VWA8: variants seen among roughly 807,000 people sequenced by gnomAD.
VWA8 encodes von Willebrand factor A domain containing 8, also known as von Willebrand factor A domain-containing protein 8.
A neutral mutation model predicts 241.5 loss-of-function variants in VWA8; 221 were observed. The observed-to-expected ratio is 0.91, with a 90% CI of 0.82 to 1.02. VWA8 has a LOEUF of 1.02. VWA8 is among the 50% of genes least tolerant of loss of function. The pLI, the probability that VWA8 is intolerant of heterozygous loss-of-function variation, is 0.00. For missense variants in VWA8, 2,322 were observed against 2,328.7 expected, an observed-to-expected ratio of 1.00 and a Z score of 0.06; for synonymous variants, 852 against 827.1, an observed-to-expected ratio of 1.03 and a Z score of -0.52.
At chr13:41,895,893 C>G (rs985005375) in intron 4 of VWA8, among the ~76,000 whole-genome samples, 8 of 148,082 alleles carry the variant, frequency 5.4e-5, no homozygotes, top group Non-Finnish European at 1.2e-4. Context: ...TTCTTTCTCC[C>G]AAAAAATCTT....
chr13:41,866,545 A>G (rs1873323530), intron 10 of VWA8, among the ~76,000 whole-genome samples: 1 of 152,038 alleles, frequency 6.6e-6, no homozygotes, highest in Admixed American at 6.6e-5. Context: ...TCAATAGAGC[A>G]GCAACTATTT....
intron 13 of VWA8, among the ~76,000 whole-genome samples, chr13:41,832,515 T>A (rs901381984): frequency 2.6e-5 from 4 of 152,166 alleles, no homozygotes. Flanking sequence ...AGGATTAACA[T>A]AACGTATTTA....
At chr13:41,780,376 C>A (rs1450817454) in intron 19 of VWA8, among the ~76,000 whole-genome samples, 5 of 152,214 alleles carry the variant, frequency 3.3e-5, no homozygotes, top group African/African-American at 1.2e-4. Context: ...TTCAACACAT[C>A]TAAAACTCAA....
intron 29 of VWA8, among the ~76,000 whole-genome samples, chr13:41,696,755 C>A (rs2045217992): frequency 6.6e-6 from 1 of 152,220 alleles, no homozygotes; most frequent in Admixed American, 6.5e-5. Context: ...TCATCACTTG[C>A]ATTCCTGGAT....
intron 14 of VWA8, among the ~76,000 whole-genome samples, chr13:41,820,431 T>C (rs1870902294): frequency 6.6e-6 from 1 of 152,052 alleles, no homozygotes; most frequent in Non-Finnish European, 1.5e-5. Flanking sequence ...CCAAGTGCCA[T>C]CAATACAACA....
At chr13:41,617,814 T>G (rs1052699819) in intron 37 of VWA8, among the ~76,000 whole-genome samples, 1 of 152,026 alleles carries the variant, frequency 6.6e-6, no homozygotes, top group East Asian at 1.9e-4. Flanking sequence ...ACAAAGGACA[T>G]GAACTCATCA....
intron 10 of VWA8, among the ~76,000 whole-genome samples, chr13:41,867,248 C>T (rs927975678): frequency 6.6e-6 from 1 of 152,216 alleles, no homozygotes; most frequent in African/African-American, 2.4e-5. Flanking sequence ...TTCTTGCAGG[C>T]TTAGCTCAAG....
rs773084817 is a variant in VWA8, at chr13:41,912,055, T to G, written c.355A>C (p.Ile119Leu). 3.6e-5 allele frequency: 58 copies of G among 1,597,436 alleles called. No homozygotes were observed. Among genetic ancestry groups the G allele is most frequent in the Non-Finnish European group, 4.9e-5 (57 of 1,170,148 alleles). The change falls in exon 3 of 45, where the codon ATT (isoleucine) becomes CTT (leucine). Residue 119 changes from isoleucine (I) to leucine (L), a missense_variant. Physicochemically the swap from Ile to Leu is conservative, Grantham distance 5. Coordinates refer to ENST00000379310, the MANE Select transcript of VWA8 (RefSeq NM_015058.2). ...IGPPGPLRRS[I>L]AMQYLELTKR... ...CTGCTCACCAAGTACTGCATAGCAATAGAGCGTCGAAGAGGCCCAGGAGGT... is the reference window on the plus strand; with the variant it reads ...CTGCTCACCAAGTACTGCATAGCAAGAGAGCGTCGAAGAGGCCCAGGAGGT...
At position 41,866,048 on chromosome 13, in the gene VWA8, G is replaced by A. The variant is rs1409074599; in HGVS notation, c.1213-12C>T. 9 of 1,613,352 alleles carry A rather than the reference G, an allele frequency of 5.6e-6. No homozygotes were observed. The highest frequency in any genetic ancestry group is 1.1e-5 in the South Asian group (1 of 91,066). Reference sequence around the variant, plus strand: ...GTCCCGGCTGGCACCTATAATTAAAGAGAGGTCAATATAACATGGCCAGAT... The same window carrying A: ...GTCCCGGCTGGCACCTATAATTAAAAAGAGGTCAATATAACATGGCCAGAT... On this transcript the variant is annotated splice_polypyrimidine_tract_variant and intron_variant, in intron 10 of 44. Coordinates refer to ENST00000379310, the MANE Select transcript of VWA8 (RefSeq NM_015058.2).
chr13:41,818,133 T>C (rs565345621), intron 15 of VWA8, among the ~76,000 whole-genome samples: 11 of 152,052 alleles, frequency 7.2e-5, no homozygotes, highest in African/African-American at 2.6e-4. Context: ...CAGCTAGTTT[T>C]TTGTATTTTA....
chr13:41,699,739 T>TA lies in VWA8; in HGVS notation c.3365-470dup, dbSNP rs147343727. Among the ~76,000 whole-genome samples, 455 of 152,340 alleles carry TA rather than the reference T, an allele frequency of 3.0e-3. 2 individuals carry two copies. The highest frequency in any genetic ancestry group is 0.01 in the African/African-American group (426 of 41,564). ...CTTGCTGTAAATAAGTAATTCCATT[T>TA]AAAAAATCTTAGCTCTATGGATCTT... is the stretch of plus-strand genomic sequence containing the variant. On this transcript the variant is annotated intron_variant, in intron 28 of 44. Coordinates refer to ENST00000379310, the MANE Select transcript of VWA8 (RefSeq NM_015058.2).
intron 37 of VWA8, among the ~76,000 whole-genome samples, chr13:41,630,946 G>A (rs1003462096): frequency 1.3e-5 from 2 of 152,154 alleles, no homozygotes; most frequent in Non-Finnish European, 2.9e-5. Context: ...CTGAGTGCCT[G>A]ATGGGACTCT....
intron 20 of VWA8, among the ~76,000 whole-genome samples, chr13:41,775,861 C>T (rs1360054081): frequency 6.6e-6 from 1 of 152,150 alleles, no homozygotes; most frequent in Non-Finnish European, 1.5e-5. Context: ...ATAGCTCTCC[C>T]CAATCCTCCA....
intron 21 of VWA8, among the ~76,000 whole-genome samples, chr13:41,755,979 C>G (rs1593748412): frequency 6.6e-6 from 1 of 151,604 alleles, no homozygotes; most frequent in African/African-American, 2.4e-5. Flanking sequence ...AGATTAAAAT[C>G]AGAAATTATT....
rs1302297004 is a variant in VWA8, at chr13:41,719,582, T to C, written c.3116+9A>G. The C allele has an allele frequency of 6.2e-7, 1 of 1,612,614 alleles. No individual in the cohort carries two copies. ...TTTAAGAATCAGAAGAGTACTGAAT[T>C]TGCCTTACTCCTTTGCCAGCTGCAC... On this transcript the variant is annotated intron_variant, in intron 26 of 44. Transcript: ENST00000379310.
chr13:41,573,506 T>TATATATATATACAC (rs1439940851), intron 43 of VWA8, among the ~76,000 whole-genome samples: 26 of 141,634 alleles, frequency 1.8e-4, no homozygotes, highest in African/African-American at 6.7e-4. Context: ...TATATATATA[T>TATATATATATACAC]ACCTCTCTCT....
intron 12 of VWA8, among the ~76,000 whole-genome samples, chr13:41,842,164 T>C (rs778153937): frequency 3.3e-5 from 5 of 152,074 alleles, no homozygotes; most frequent in Non-Finnish European, 7.4e-5. Context: ...TGTATAAACA[T>C]ACAATGTTAA....
At chr13:41,792,608 A>C (rs1344001445) in intron 17 of VWA8, among the ~76,000 whole-genome samples, 1 of 151,958 alleles carries the variant, frequency 6.6e-6, no homozygotes, top group Non-Finnish European at 1.5e-5. Context: ...TTATACTTCC[A>C]TGCCAATTTT....
intron 19 of VWA8, among the ~76,000 whole-genome samples, chr13:41,780,156 A>C (rs986073458): frequency 3.9e-5 from 6 of 152,078 alleles, no homozygotes; most frequent in African/African-American, 1.4e-4. Flanking sequence ...CACCCACCTG[A>C]GGGTTGAGGG....
Sources: gnomAD v4.1 joint callset for allele counts (sites outside exome capture counted in the v4.1 genomes callset) on GRCh38, gnomAD v4.1.1 for gene constraint, MANE v1.5 for transcripts, NCBI Gene and HGNC (gene_info 2026-07-23, HGNC 2026-07-21) for gene names.